GUCY1A2: variants seen among roughly 807,000 people sequenced by gnomAD.
GUCY1A2 encodes guanylate cyclase soluble subunit alpha-2.
In GUCY1A2, 27 loss-of-function variants were observed where a neutral mutation model predicts 63.5. The observed-to-expected ratio is 0.43, with a 90% CI of 0.31 to 0.59. The LOEUF (loss-of-function observed/expected upper bound fraction) is 0.59, where lower values mean the gene tolerates loss of function less well. GUCY1A2 is among the 20% of genes least tolerant of loss of function. The pLI is 0.11. For synonymous variants in GUCY1A2, 364 were observed against 343.5 expected, an observed-to-expected ratio of 1.06 and a Z score of -0.66; for missense variants, 768 against 913.3, an observed-to-expected ratio of 0.84 and a Z score of 2.05.
intron 4 of GUCY1A2, among the ~76,000 whole-genome samples, chr11:106,890,057 C>T (rs1859953449): frequency 1.3e-5 from 2 of 152,128 alleles, no homozygotes; most frequent in Admixed American, 1.3e-4. Context: ...TAATTTGTCA[C>T]TTCACCTGGC....
At chr11:106,814,063 G>A (rs1858799438) in intron 4 of GUCY1A2, among the ~76,000 whole-genome samples, 1 of 152,046 alleles carries the variant, frequency 6.6e-6, no homozygotes, top group Non-Finnish European at 1.5e-5. Flanking sequence ...GAAGGTGAAG[G>A]AGAGAGAAGC....
rs943978556 is a variant in GUCY1A2 at position 106,678,852 on chromosome 11, A to G, written c.*8697T>C. 2.1e-5 allele frequency: 4 copies of G among 190,286 alleles called. No individual in the cohort carries two copies. In the South Asian group the frequency reaches 7.8e-4, roughly 37 times the overall value. The allele number at this position is 190,286 out of a possible 1,614,324, so 11.8% of individuals were successfully genotyped here. A position where few individuals can be genotyped will look rare whatever the true frequency, so the allele number is the denominator to read the frequency against. On this transcript the variant is annotated 3_prime_UTR_variant, in exon 8 of 8. Coordinates refer to ENST00000526355, the MANE Select transcript of GUCY1A2 (RefSeq NM_000855.3). ...TGCCAAATTTGCAAACCCTGGCTCAATGCCACAATTTTTAAGTCTGTCATA... is the reference window on the plus strand; with the variant it reads ...TGCCAAATTTGCAAACCCTGGCTCAGTGCCACAATTTTTAAGTCTGTCATA...
At chr11:106,967,762 A>AAG in intron 3 of GUCY1A2, among the ~76,000 whole-genome samples, 1 of 115,372 alleles carries the variant, frequency 8.7e-6, no homozygotes, top group Non-Finnish European at 1.7e-5. Context: ...GAAGGAAGCA[A>AAG]GGAGGGAGGG....
chr11:107,006,153 G>A (rs55911323), intron 1 of GUCY1A2, among the ~76,000 whole-genome samples: 2,836 of 152,278 alleles, frequency 0.019, 78 homozygotes, highest in African/African-American at 0.064. Flanking sequence ...AGAAGAGTTT[G>A]CCAGACTGCA....
intron 5 of GUCY1A2, among the ~76,000 whole-genome samples, chr11:106,802,827 A>C (rs1858629069): frequency 6.6e-6 from 1 of 152,162 alleles, no homozygotes; most frequent in Non-Finnish European, 1.5e-5. Context: ...GACCTCATCT[A>C]AACTTGATTA....
chr11:106,772,178 TG>T (rs1458444780), intron 6 of GUCY1A2, among the ~76,000 whole-genome samples: 1 of 152,218 alleles, frequency 6.6e-6, no homozygotes, highest in East Asian at 1.9e-4. Context: ...ATGACAATTT[TG>T]GCTCCTATTT....
chr11:107,000,421 C>T (rs1861599107), intron 1 of GUCY1A2, among the ~76,000 whole-genome samples: 1 of 152,194 alleles, frequency 6.6e-6, no homozygotes, highest in Non-Finnish European at 1.5e-5. Context: ...TCCATTACAA[C>T]CCAATCATCT....
chr11:106,855,147 C>T (rs1398554720), intron 4 of GUCY1A2, among the ~76,000 whole-genome samples: 2 of 151,970 alleles, frequency 1.3e-5, no homozygotes, highest in African/African-American at 2.4e-5. Flanking sequence ...TGAGTGGGAG[C>T]CAGTGTGAGT....
At chr11:106,850,423 G>A (rs1859336479) in intron 4 of GUCY1A2, among the ~76,000 whole-genome samples, 1 of 151,654 alleles carries the variant, frequency 6.6e-6, no homozygotes, top group Admixed American at 6.6e-5. Flanking sequence ...TCACTGTAAG[G>A]TGCTGCAGAA....
chr11:106,864,219 A>ATGG (rs1555042073), intron 4 of GUCY1A2, among the ~76,000 whole-genome samples: 1 of 151,584 alleles, frequency 6.6e-6, no homozygotes, highest in Non-Finnish European at 1.5e-5. Flanking sequence ...TATAATAATA[A>ATGG]TAAGAAGAAG....
chr11:106,919,893 G>A (rs548122879), intron 4 of GUCY1A2, among the ~76,000 whole-genome samples: 1 of 152,176 alleles, frequency 6.6e-6, no homozygotes, highest in South Asian at 2.1e-4. Context: ...AAGTAAGTGA[G>A]TTAGATGTTA....
chr11:106,883,734 T>C (rs1483404356), intron 4 of GUCY1A2, among the ~76,000 whole-genome samples: 2 of 152,132 alleles, frequency 1.3e-5, no homozygotes, highest in Non-Finnish European at 2.9e-5. Context: ...TTAATTTGAA[T>C]GCCCACTGGG....
At chr11:106,924,157 T>C (rs1207475349) in intron 4 of GUCY1A2, among the ~76,000 whole-genome samples, 1 of 152,200 alleles carries the variant, frequency 6.6e-6, no homozygotes, top group Non-Finnish European at 1.5e-5. Flanking sequence ...TTGTCAGTAG[T>C]ATAATCTACT....
At chr11:106,839,573 G>A (rs1398054147) in intron 4 of GUCY1A2, among the ~76,000 whole-genome samples, 5 of 151,736 alleles carry the variant, frequency 3.3e-5, no homozygotes, top group Non-Finnish European at 5.9e-5. Flanking sequence ...TGTTTATTGC[G>A]GCACTACTCA....
rs775827249 is a variant in GUCY1A2, at chr11:106,939,685, G to A, written c.981C>T (p.Phe327=). Residue 327 remains phenylalanine, a synonymous_variant, in exon 4 of 8, where the codon TTC becomes TTT. Coordinates refer to ENST00000526355, the MANE Select transcript of GUCY1A2 (RefSeq NM_000855.3). ...RISINTFCRA[F]PFHLMFDPSM... is the part of the protein sequence containing the mutation. ...TGGGATCAAACATCAAGTGGAAAGGGAAGGCTCTACAGAAGGTGTTGATGC... is the reference window on the plus strand; with the variant it reads ...TGGGATCAAACATCAAGTGGAAAGGAAAGGCTCTACAGAAGGTGTTGATGC... 6.2e-7 allele frequency: 1 copy of A among 1,613,978 alleles called. No homozygotes were observed. Among genetic ancestry groups the A allele is most frequent in the South Asian group, 1.1e-5 (1 of 91,074 alleles).
At chr11:107,014,032 C>T (rs901431190) in intron 1 of GUCY1A2, among the ~76,000 whole-genome samples, 3 of 145,338 alleles carry the variant, frequency 2.1e-5, no homozygotes, top group Admixed American at 1.4e-4. Flanking sequence ...AAAAAGTAAA[C>T]TACTTTCCTC....
intron 6 of GUCY1A2, among the ~76,000 whole-genome samples, chr11:106,717,552 A>G (rs1863237116): frequency 6.6e-6 from 1 of 152,196 alleles, no homozygotes; most frequent in Admixed American, 6.5e-5. Context: ...AAAATGTCCA[A>G]ATTCAAATAG....
At position 106,708,686 on chromosome 11, in the gene GUCY1A2, G is replaced by T. The variant is rs765985770; in HGVS notation, c.1837-20C>A. On this transcript the variant is annotated intron_variant, in intron 6 of 7. Transcript: ENST00000526355. ...CCTCATCTAAAGAAGAATGAAAGAG[G>T]AAAAGGAACATATTTGTTTCCATTT... is the stretch of plus-strand genomic sequence containing the variant. The T allele has an allele frequency of 2.0e-6, 3 of 1,530,122 alleles. No individual in the cohort carries two copies. Among genetic ancestry groups the T allele is most frequent in the Admixed American group, 3.7e-5 (2 of 54,012 alleles). 94.8% of individuals were successfully genotyped at this position (1,530,122 alleles called of 1,614,324 possible). A position where few individuals can be genotyped will look rare whatever the true frequency, so the allele number is the denominator to read the frequency against.
In GUCY1A2 at chr11:106,674,228, A is replaced by G. The variant is rs1862308594; in HGVS notation, c.*13321T>C. The G allele has an allele frequency of 1.1e-5, 2 of 185,376 alleles. No individual in the cohort carries two copies. Among genetic ancestry groups the G allele is most frequent in the Non-Finnish European group, 2.3e-5 (2 of 87,438 alleles). The allele number at this position is 185,376 out of a possible 1,614,324, so 11.5% of individuals were successfully genotyped here. ...AAATTCACCTTGTTCTGCAGTCTGT[A>G]AATGCAAAGACATTTTACATCATGA... On this transcript the variant is annotated 3_prime_UTR_variant, in exon 8 of 8. Transcript: ENST00000526355.
Sources: allele counts gnomAD v4.1 joint callset (sites outside exome capture counted in the v4.1 genomes callset), GRCh38; gene constraint gnomAD v4.1.1; transcripts MANE v1.5; gene names NCBI Gene and HGNC (gene_info 2026-07-23, HGNC 2026-07-21).